Variants in CDK10 observed in about 807,000 individuals in gnomAD.
The protein encoded by CDK10 is cyclin-dependent kinase 10.
Under a neutral mutation model 51.0 loss-of-function variants are expected in CDK10, and 55 were observed. The ratio of observed to expected loss-of-function variants is 1.08; its 90% CI spans 0.87 to 1.35. The LOEUF is 1.35. Among genes scored for constraint, CDK10 ranks in the 40% most tolerant of loss-of-function variants. The pLI is 0.00. For synonymous variants in CDK10, 255 were observed against 199.1 expected (o/e 1.28, Z -2.36); for missense variants, 589 against 485.1 (o/e 1.21, Z -2.01).
At chr16:89,688,677 G>A (rs765377602) in intron 1 of CDK10, among the ~76,000 whole-genome samples, 2 of 152,212 alleles carry the variant, frequency 1.3e-5, no homozygotes, top group Non-Finnish European at 2.9e-5. Context: ...GTGATACAGG[G>A]ATGCTGGGAC....
At position 89,695,588 on chromosome 16, in the gene CDK10, C is replaced by T. The variant is rs563196403; in HGVS notation, c.986-7C>T. On this transcript the variant is annotated splice_region_variant and splice_polypyrimidine_tract_variant and intron_variant, in intron 12 of 12. Transcript: ENST00000353379. ...CCCCGCCCAGCACTGAACCCTTCTC[C>T]CTGCAGCCTGTGAGCCGGAGCTCAT... The T allele has an allele frequency of 3.7e-6, 6 of 1,600,082 alleles. No homozygotes were observed. The highest frequency in any genetic ancestry group is 3.4e-5 in the Admixed American group (2 of 58,840).
chr16:89,688,682 T>C (rs960415296), intron 1 of CDK10, among the ~76,000 whole-genome samples: 9 of 152,222 alleles, frequency 5.9e-5, no homozygotes, highest in African/African-American at 2.2e-4. Flanking sequence ...ACAGGGATGC[T>C]GGGACAGCAG....
At chr16:89,692,400 G>A (rs752671587) in intron 5 of CDK10, 49 bp from the exon 6 acceptor site, 4 of 1,426,206 alleles carry the variant, frequency 2.8e-6, no homozygotes, top group Non-Finnish European at 3.8e-6. Flanking sequence ...GGCCCAGCTG[G>A]GCTTCCCTGC....
intron 1 of CDK10, among the ~76,000 whole-genome samples, chr16:89,688,249 T>C (rs1369718993): frequency 1.3e-5 from 2 of 152,142 alleles, no homozygotes; most frequent in African/African-American, 2.4e-5. Flanking sequence ...GCCCAGCTAA[T>C]TTTTTCATAT....
Position 89,686,701 on chromosome 16 carries a change from A to T in CDK10, c.-10A>T. On this transcript the variant is annotated 5_prime_UTR_variant, in exon 1 of 13. Transcript: ENST00000353379. ...GCCTGCGCGCAAGAGAGGCGGGGCC[A>T]GCGCTCGGCATGGCGGAGCCAGATC... 6.4e-7 allele frequency: 1 copy of T among 1,564,702 alleles called. No homozygotes were observed. Among genetic ancestry groups the T allele is most frequent in the East Asian group, 2.4e-5 (1 of 41,986 alleles).
rs141061239 is a variant in CDK10, at chr16:89,690,561, C to T, written c.169C>T (p.Arg57Trp). 5.6e-5 allele frequency: 90 copies of T among 1,613,980 alleles called. No homozygotes were observed. In the Middle Eastern group the frequency reaches 1.8e-3, roughly 33 times the overall value. ...ATGTGTTTCCATTCCAGATCGGGCC[C>T]GGGACACCCAGACAGATGAGATTGT... ...EGTYGIVYRA[R>W]DTQTDEIVAL... The change falls in exon 3 of 13, where the codon CGG (arginine) becomes TGG (tryptophan). Residue 57 changes from arginine (R) to tryptophan (W), a missense_variant. By Grantham distance (101) the Arg-to-Trp change is moderately radical. Transcript: ENST00000353379.
At chr16:89,693,572 G>C in intron 8 of CDK10, 105 bp downstream of exon 8, 1 of 1,139,106 alleles carries the variant, frequency 8.8e-7, no homozygotes, top group African/African-American at 1.5e-5. Flanking sequence ...GGAATGTTAA[G>C]CTACAGGGTC....
At chr16:89,691,585 C>T (rs2060452424) in intron 4 of CDK10, 40 bp downstream of exon 4, 2 of 1,523,592 alleles carry the variant, frequency 1.3e-6, no homozygotes, top group Non-Finnish European at 1.8e-6. Flanking sequence ...CCCTAGGGAG[C>T]ATGTGTCTTG....
chr16:89,690,070 A>T (rs1243321059), intron 2 of CDK10: 1 of 158,950 alleles, frequency 6.3e-6, no homozygotes, highest in Non-Finnish European at 1.4e-5. Flanking sequence ...GTCTCAAAAA[A>T]ACCAAAAACA....
At chr16:89,688,077 CTTTT>C (rs35911494) in intron 1 of CDK10, among the ~76,000 whole-genome samples, 3 of 75,414 alleles carry the variant, frequency 4.0e-5, no homozygotes, top group South Asian at 1.1e-3. Context: ...GCTACGTGTG[CTTTT>C]TTTTTTTTTT....
Position 89,691,535 on chromosome 16 carries a change from C to CAG in CDK10, c.326_327insGA (p.His109GlnfsTer9). 6.2e-7 allele frequency: 1 copy of CAG among 1,613,508 alleles called. No homozygotes were observed. Among genetic ancestry groups the CAG allele is most frequent in the Non-Finnish European group, 8.5e-7 (1 of 1,179,598 alleles). On this transcript the variant is annotated frameshift_variant, in exon 4 of 13. Coordinates refer to ENST00000353379, the MANE Select transcript of CDK10 (RefSeq NM_052988.5). LOFTEE classifies it high-confidence loss of function. Reference sequence around the variant, plus strand: ...GCTGAAGGAGGTGGTTGTGGGGAACCACCTGGAGAGGTACGTGGTCTCCTG... The same window carrying CAG: ...GCTGAAGGAGGTGGTTGTGGGGAACCAGACCTGGAGAGGTACGTGGTCTCCTG...
At chr16:89,695,460 G>C (rs906498883) in intron 12 of CDK10, 115 bp downstream of exon 12, 24 of 1,472,546 alleles carry the variant, frequency 1.6e-5, no homozygotes, top group East Asian at 1.1e-4. Context: ...ACCCTTTCTG[G>C]GGTAAGAGGA....
Position 89,696,031 on chromosome 16 carries a change from C to T in CDK10, c.*339C>T. 3 of 586,754 alleles carry T rather than the reference C, an allele frequency of 5.1e-6. No homozygotes were observed. The highest frequency in any genetic ancestry group is 2.8e-5 in the East Asian group (1 of 35,350). The allele number at this position is 586,754 out of a possible 1,614,324, so 36.3% of individuals were successfully genotyped here. On this transcript the variant is annotated 3_prime_UTR_variant, in exon 13 of 13. Coordinates refer to ENST00000353379, the MANE Select transcript of CDK10 (RefSeq NM_052988.5). ...AGGAGTGGTGGGTGCAGTCCCCCCGCTGTCTTTGAGTTGTGGTGGACGCTG... is the reference window on the plus strand; with the variant it reads ...AGGAGTGGTGGGTGCAGTCCCCCCGTTGTCTTTGAGTTGTGGTGGACGCTG...
chr16:89,694,080 G>T, intron 8 of CDK10, 93 bp from the exon 9 acceptor site: 1 of 1,314,918 alleles, frequency 7.6e-7, no homozygotes, highest in Non-Finnish European at 1.1e-6. Context: ...AGGTTTCCAG[G>T]CCACCACAGG....
intron 4 of CDK10, 116 bp downstream of exon 4, chr16:89,691,661 G>A: frequency 8.3e-7 from 1 of 1,203,954 alleles, no homozygotes; most frequent in South Asian, 1.3e-5. Flanking sequence ...GAGAAGAGAT[G>A]ACCCCACCTC....
Position 89,695,695 on chromosome 16 carries a change from G to C in CDK10, c.*3G>C, listed in dbSNP as rs758867120. On this transcript the variant is annotated 3_prime_UTR_variant, in exon 13 of 13. Transcript: ENST00000353379. Reference sequence around the variant, plus strand: ...AGAGCAAGCGCTGTAAACCCTGACGGTGGGCCTGGCACACGCCTGTATTCC... The same window carrying C: ...AGAGCAAGCGCTGTAAACCCTGACGCTGGGCCTGGCACACGCCTGTATTCC... 3 of 1,594,224 alleles carry C rather than the reference G, an allele frequency of 1.9e-6. No individual in the cohort carries two copies. The South Asian group carries it at 3.4e-5, about 18-fold the overall frequency.
rs1452901601 is a variant in CDK10 at position 89,694,223 on chromosome 16, T to G, written c.659T>G (p.Ile220Ser). 1 of 1,613,838 alleles carries G rather than the reference T, an allele frequency of 6.2e-7. No individual in the cohort carries two copies. Among genetic ancestry groups the G allele is most frequent in the Non-Finnish European group, 8.5e-7 (1 of 1,179,836 alleles). Residue 220 changes from isoleucine to serine, a missense_variant, in exon 9 of 13, where the codon ATC (isoleucine) becomes AGC (serine). Coordinates refer to ENST00000353379, the MANE Select transcript of CDK10 (RefSeq NM_052988.5). ...LLGTTTQTTS[I>S]DMWAVGCILA... ...GGAACCACCACGCAGACCACCAGCA[T>G]CGACATGTGGTGAGGAGATACGGTT...
At chr16:89,691,758 C>A (rs772007105) in intron 4 of CDK10, 48 bp from the exon 5 acceptor site, 4 of 1,562,200 alleles carry the variant, frequency 2.6e-6, no homozygotes, top group East Asian at 2.2e-5. Context: ...CCACTTCCAC[C>A]CCTTAGGAGA....
Position 89,695,979 on chromosome 16 carries a change from G to C in CDK10, c.*287G>C, listed in dbSNP as rs557985324. On this transcript the variant is annotated 3_prime_UTR_variant, in exon 13 of 13. Transcript: ENST00000353379. ...CTCATGTGGTCCTCCTCGCTATGTT[G>C]GAAATGTGCAACCACTGCTTCTTGG... 2.3e-5 allele frequency: 14 copies of C among 614,774 alleles called. No individual in the cohort carries two copies. The highest frequency in any genetic ancestry group is 3.5e-5 in the Non-Finnish European group (12 of 345,630). 38.1% of individuals were successfully genotyped at this position (614,774 alleles called of 1,614,324 possible). A position where few individuals can be genotyped will look rare whatever the true frequency, so the allele number is the denominator to read the frequency against.
Sources: gnomAD v4.1 joint callset for allele counts (sites outside exome capture counted in the v4.1 genomes callset) on GRCh38, gnomAD v4.1.1 for gene constraint, MANE v1.5 for transcripts, NCBI Gene and HGNC (gene_info 2026-07-23, HGNC 2026-07-21) for gene names.